SLC2A13: variants seen among roughly 807,000 people sequenced by gnomAD.
SLC2A13 encodes the protein solute carrier family 2 member 13.
A neutral mutation model predicts 64.4 loss-of-function variants in SLC2A13; 32 were observed. That is an observed-to-expected ratio of 0.50 (90% CI 0.37 to 0.67). SLC2A13 has a LOEUF of 0.67. SLC2A13 is among the 30% of genes least tolerant of loss of function. The probability of loss-of-function intolerance (pLI) is 0.00; values close to 1 mark genes in which losing one functional copy is unlikely to be tolerated. For missense variants in SLC2A13, 743 were observed against 829.2 expected (o/e 0.90, Z 1.28); for synonymous variants, 338 against 327.1 (o/e 1.03, Z -0.36).
chr12:39,896,380 GTATGTATA>G (rs1415448474), intron 4 of SLC2A13, among the ~76,000 whole-genome samples: 3 of 134,436 alleles, frequency 2.2e-5, no homozygotes, highest in Non-Finnish European at 4.6e-5. Flanking sequence ...ATACATATAT[GTATGTATA>G]TGTGTATATA....
chr12:39,896,657 C>A (rs1358132894), intron 4 of SLC2A13, among the ~76,000 whole-genome samples: 5 of 151,540 alleles, frequency 3.3e-5, no homozygotes, highest in African/African-American at 9.7e-5. Context: ...AACAACACTG[C>A]TCAATGAAGT....
intron 7 of SLC2A13, among the ~76,000 whole-genome samples, chr12:39,826,924 C>T (rs1192193730): frequency 7.5e-6 from 1 of 133,896 alleles, no homozygotes; most frequent in Non-Finnish European, 1.5e-5. Context: ...CACCTGGTGG[C>T]TTCCTTGCCT....
chr12:39,926,603 C>T (rs1273258610), intron 4 of SLC2A13, among the ~76,000 whole-genome samples: 1 of 152,046 alleles, frequency 6.6e-6, no homozygotes, highest in Admixed American at 6.6e-5. Flanking sequence ...AAACCAAATA[C>T]AGTTCTAACC....
intron 3 of SLC2A13, among the ~76,000 whole-genome samples, chr12:39,968,893 C>T (rs11174532): frequency 0.086 from 12,897 of 150,688 alleles, 703 homozygotes; most frequent in Non-Finnish European, 0.1. Flanking sequence ...TGGTGTGCTG[C>T]ACCCATTAAC....
intron 3 of SLC2A13, among the ~76,000 whole-genome samples, chr12:39,975,996 A>T (rs578200286): frequency 6.6e-6 from 1 of 152,366 alleles, no homozygotes; most frequent in South Asian, 2.1e-4. Flanking sequence ...ACTGCTAATC[A>T]AAACAGTGAC....
chr12:39,865,085 T>C (rs1460855184), intron 5 of SLC2A13, among the ~76,000 whole-genome samples: 1 of 152,228 alleles, frequency 6.6e-6, no homozygotes, highest in Non-Finnish European at 1.5e-5. Flanking sequence ...GCACGTTCAT[T>C]GTGAGACATG....
Position 40,042,518 on chromosome 12 carries a change from T to C in SLC2A13, c.716+5533A>G, listed in dbSNP as rs192531061. On this transcript the variant is annotated intron_variant, in intron 2 of 9. Coordinates refer to ENST00000280871, the MANE Select transcript of SLC2A13 (RefSeq NM_052885.4). Reference sequence around the variant, plus strand: ...TTATTTGTACCTGCAGAAACACATATAATTAATGATTTAATTTTTATCTAT... The same window carrying C: ...TTATTTGTACCTGCAGAAACACATACAATTAATGATTTAATTTTTATCTAT... 1.4e-3 allele frequency among the ~76,000 whole-genome samples: 214 copies of C among 152,282 alleles called. 1 individual carries two copies. The highest frequency in any genetic ancestry group is 4.9e-3 in the African/African-American group (202 of 41,572).
At chr12:40,049,646 C>T (rs964840769) in intron 1 of SLC2A13, among the ~76,000 whole-genome samples, 1 of 152,026 alleles carries the variant, frequency 6.6e-6, no homozygotes, top group Middle Eastern at 3.2e-3. Context: ...TTTTGTGACC[C>T]AAACTCTCTC....
intron 1 of SLC2A13, among the ~76,000 whole-genome samples, chr12:40,100,093 T>C (rs967407842): frequency 6.6e-6 from 1 of 152,134 alleles, no homozygotes; most frequent in Non-Finnish European, 1.5e-5. Context: ...CAAAGTGCTG[T>C]TTGAAAAAAA....
At chr12:39,788,086 A>C (rs1941254008) in intron 7 of SLC2A13, among the ~76,000 whole-genome samples, 1 of 152,152 alleles carries the variant, frequency 6.6e-6, no homozygotes, top group South Asian at 2.1e-4. Context: ...TATATAAACA[A>C]AAATTATTTT....
At chr12:39,900,513 C>G (rs562335003) in intron 4 of SLC2A13, among the ~76,000 whole-genome samples, 4 of 152,062 alleles carry the variant, frequency 2.6e-5, no homozygotes, top group Middle Eastern at 3.4e-3. Context: ...AATCAATGTG[C>G]AAAAATCACA....
At chr12:40,014,103 A>G (rs28370772) in intron 3 of SLC2A13, among the ~76,000 whole-genome samples, 99 of 152,344 alleles carry the variant, frequency 6.5e-4, no homozygotes, top group African/African-American at 1.6e-3. Context: ...GCCTTTGTTT[A>G]TAAAAACTTT....
chr12:39,869,047 A>G (rs1370777151), intron 5 of SLC2A13, among the ~76,000 whole-genome samples: 1 of 152,226 alleles, frequency 6.6e-6, no homozygotes. Flanking sequence ...AAGGTTAAAA[A>G]TTCGAGGCTA....
chr12:40,050,410 G>A (rs1034329887), intron 1 of SLC2A13, among the ~76,000 whole-genome samples: 2 of 152,090 alleles, frequency 1.3e-5, no homozygotes, highest in African/African-American at 4.8e-5. Flanking sequence ...GATAAAGTTC[G>A]ATTATTTAAA....
intron 4 of SLC2A13, among the ~76,000 whole-genome samples, chr12:39,891,977 T>G (rs11838322): frequency 7.3e-5 from 11 of 149,852 alleles, no homozygotes; most frequent in African/African-American, 2.8e-4. Context: ...TCTGAACGAT[T>G]TTTTTACTAG....
chr12:39,877,284 A>C (rs1261070706), intron 4 of SLC2A13, among the ~76,000 whole-genome samples: 7 of 152,186 alleles, frequency 4.6e-5, no homozygotes, highest in African/African-American at 7.2e-5. Context: ...AAAGGAGAGC[A>C]AAGGTATGTC....
chr12:39,925,546 C>A (rs1242281360), intron 4 of SLC2A13, among the ~76,000 whole-genome samples: 3 of 152,162 alleles, frequency 2.0e-5, no homozygotes, highest in African/African-American at 7.2e-5. Flanking sequence ...CTTCCACCTG[C>A]ATACTTTAAA....
intron 7 of SLC2A13, among the ~76,000 whole-genome samples, chr12:39,797,754 A>T (rs1328895762): frequency 1.3e-5 from 2 of 152,062 alleles, no homozygotes; most frequent in Non-Finnish European, 2.9e-5. Flanking sequence ...ACACACACAC[A>T]CACACACACA....
At chr12:39,996,059 C>G (rs1327730738) in intron 3 of SLC2A13, among the ~76,000 whole-genome samples, 1 of 152,196 alleles carries the variant, frequency 6.6e-6, no homozygotes, top group Non-Finnish European at 1.5e-5. Flanking sequence ...AGTTGGAACT[C>G]TCTAGAGACT....
Sources: gnomAD v4.1 joint callset for allele counts (sites outside exome capture counted in the v4.1 genomes callset) on GRCh38, gnomAD v4.1.1 for gene constraint, MANE v1.5 for transcripts, NCBI Gene and HGNC (gene_info 2026-07-23, HGNC 2026-07-21) for gene names.